Variants in CSMD1 observed in about 807,000 individuals in gnomAD.
CSMD1 encodes CUB and sushi domain-containing protein 1.
In CSMD1, 213 loss-of-function variants were observed where a neutral mutation model predicts 417.5. The observed-to-expected ratio is 0.51, with a 90% CI of 0.46 to 0.57. The LOEUF (loss-of-function observed/expected upper bound fraction) is 0.57, where lower values mean the gene tolerates loss of function less well. Ranked by LOEUF, CSMD1 falls within the 20% of genes least tolerant of loss-of-function variation. CSMD1 has a pLI of 0.00. For missense variants in CSMD1, 6,923 were observed against 4,529.7 expected, an observed-to-expected ratio of 1.53 and a Z score of -15.17; for synonymous variants, 2,862 against 1,736.8, an observed-to-expected ratio of 1.65 and a Z score of -16.11.
At chr8:3,382,186 G>C (rs974880590) in intron 18 of CSMD1, among the ~76,000 whole-genome samples, 2 of 151,938 alleles carry the variant, frequency 1.3e-5, no homozygotes, top group Non-Finnish European at 2.9e-5. Flanking sequence ...TTGAACCTGG[G>C]AGGCGGAGGT....
At chr8:3,321,387 T>G (rs1046121376) in intron 23 of CSMD1, among the ~76,000 whole-genome samples, 1 of 152,146 alleles carries the variant, frequency 6.6e-6, no homozygotes, top group African/African-American at 2.4e-5. Context: ...CAAGCTCCCT[T>G]ACGGCTGCAG....
intron 5 of CSMD1, among the ~76,000 whole-genome samples, chr8:3,860,340 A>G (rs1476226592): frequency 6.6e-6 from 1 of 152,220 alleles, no homozygotes; most frequent in Non-Finnish European, 1.5e-5. Flanking sequence ...GCCAGCAAGT[A>G]TAGGGCAATT....
At chr8:3,718,698 A>G (rs1256541928) in intron 6 of CSMD1, among the ~76,000 whole-genome samples, 2 of 152,186 alleles carry the variant, frequency 1.3e-5, no homozygotes, top group Non-Finnish European at 2.9e-5. Flanking sequence ...CTCTTTACTA[A>G]TGTAAAGGGT....
intron 1 of CSMD1, among the ~76,000 whole-genome samples, chr8:4,658,732 C>T (rs763382585): frequency 5.9e-5 from 9 of 152,068 alleles, no homozygotes; most frequent in Admixed American, 2.0e-4. Flanking sequence ...CTTATACTTT[C>T]GGTTTCTAAC....
chr8:3,204,455 G>A (rs1333942331), intron 31 of CSMD1, among the ~76,000 whole-genome samples: 2 of 151,838 alleles, frequency 1.3e-5, no homozygotes, highest in Non-Finnish European at 2.9e-5. Context: ...GTTAAATGAG[G>A]GACTTTAAAG....
chr8:4,544,444 T>C (rs1797546442), intron 2 of CSMD1, among the ~76,000 whole-genome samples: 1 of 152,150 alleles, frequency 6.6e-6, no homozygotes, highest in African/African-American at 2.4e-5. Flanking sequence ...TAGTTATATG[T>C]AGTTTACTCT....
At chr8:3,373,383 C>G (rs1290557944) in intron 18 of CSMD1, 1 of 152,192 alleles carries the variant, frequency 6.6e-6, no homozygotes. Context: ...TAAAGCTGCT[C>G]TCAGGCTTGT....
chr8:3,809,594 C>T (rs542792547), intron 5 of CSMD1, among the ~76,000 whole-genome samples: 1 of 151,890 alleles, frequency 6.6e-6, no homozygotes, highest in African/African-American at 2.4e-5. Context: ...ATAGTTGGCC[C>T]CACCTGCAGA....
chr8:4,239,896 A>G (rs1700112), intron 3 of CSMD1, among the ~76,000 whole-genome samples: 72,568 of 152,050 alleles, frequency 0.48, 17,826 homozygotes, highest in Middle Eastern at 0.68. Flanking sequence ...AGCATTAGCA[A>G]TTTGCATAAG....
chr8:4,589,653 C>T (rs1206720388), intron 2 of CSMD1, among the ~76,000 whole-genome samples: 1 of 152,136 alleles, frequency 6.6e-6, no homozygotes, highest in Non-Finnish European at 1.5e-5. Context: ...AGTGTGTTTG[C>T]ACTGTGAAGA....
intron 2 of CSMD1, among the ~76,000 whole-genome samples, chr8:4,550,784 T>G (rs1797837693): frequency 6.6e-6 from 1 of 152,184 alleles, no homozygotes; most frequent in Non-Finnish European, 1.5e-5. Context: ...TTAATCATCT[T>G]TATCAACACA....
intron 1 of CSMD1, among the ~76,000 whole-genome samples, chr8:4,761,471 C>A (rs1289570211): frequency 6.6e-6 from 1 of 151,772 alleles, no homozygotes; most frequent in East Asian, 1.9e-4. Context: ...TTTATAATTT[C>A]TAGTGTGAAT....
chr8:3,869,987 C>A (rs143718645), intron 5 of CSMD1, among the ~76,000 whole-genome samples: 1 of 151,722 alleles, frequency 6.6e-6, no homozygotes, highest in Non-Finnish European at 1.5e-5. Flanking sequence ...AATAATAATA[C>A]ATAACTAGAG....
intron 5 of CSMD1, among the ~76,000 whole-genome samples, chr8:3,967,774 C>A (rs1812782828): frequency 6.6e-6 from 1 of 152,046 alleles, no homozygotes; most frequent in South Asian, 2.1e-4. Flanking sequence ...TACGTGTGAA[C>A]TAACTACCTT....
intron 1 of CSMD1, among the ~76,000 whole-genome samples, chr8:4,746,321 C>A (rs544899873): frequency 1.3e-5 from 2 of 152,124 alleles, no homozygotes; most frequent in Non-Finnish European, 2.9e-5. Flanking sequence ...CTCAGAATAG[C>A]GACTGTAGGC....
intron 4 of CSMD1, among the ~76,000 whole-genome samples, chr8:4,012,001 G>T (rs940039880): frequency 1.3e-5 from 2 of 150,404 alleles, no homozygotes; most frequent in African/African-American, 4.8e-5. Flanking sequence ...CTGTTATACT[G>T]TATTGTTTAG....
chr8:4,848,226 T>C (rs139108787), intron 1 of CSMD1, among the ~76,000 whole-genome samples: 2,784 of 152,340 alleles, frequency 0.018, 50 homozygotes, highest in Non-Finnish European at 0.023. Flanking sequence ...CATCTAGTGA[T>C]AGACTATTGG....
intron 1 of CSMD1, among the ~76,000 whole-genome samples, chr8:4,867,732 A>ATTAG (rs1221895803): frequency 6.6e-6 from 1 of 152,140 alleles, no homozygotes; most frequent in African/African-American, 2.4e-5. Context: ...AAAATGCCGT[A>ATTAG]TTAGTATTCA....
intron 20 of CSMD1, 49 bp from the exon 21 acceptor site, chr8:3,359,389 AC>A: frequency 7.1e-7 from 1 of 1,400,912 alleles, no homozygotes; most frequent in Non-Finnish European, 9.9e-7. Context: ...GGGTAAATAC[AC>A]AAAGATTAAA....
Sources: gnomAD v4.1 joint callset for allele counts (sites outside exome capture counted in the v4.1 genomes callset) on GRCh38, gnomAD v4.1.1 for gene constraint, MANE v1.5 for transcripts, NCBI Gene and HGNC (gene_info 2026-07-23, HGNC 2026-07-21) for gene names.